Variants in ITIH6 observed in about 807,000 individuals in gnomAD.
ITIH6 encodes the protein inter-alpha-trypsin inhibitor heavy chain H6.
A neutral mutation model predicts 58.2 loss-of-function variants in ITIH6; 60 were observed. The observed-to-expected ratio is 1.03, with a 90% CI of 0.84 to 1.28. The LOEUF is 1.28. Ranked by LOEUF, ITIH6 falls within the 50% of genes most tolerant of loss-of-function variation. The pLI, the probability that ITIH6 is intolerant of heterozygous loss-of-function variation, is 0.00. For synonymous variants in ITIH6, 493 were observed against 417.4 expected, an observed-to-expected ratio of 1.18 and a Z score of -2.21; for missense variants, 1,290 against 1,021.1, an observed-to-expected ratio of 1.26 and a Z score of -3.59.
At chrX:54,787,593 G>A (rs1929265190) in intron 5 of ITIH6, 1 of 111,548 alleles carries the variant, frequency 9.0e-6, no homozygotes, top group South Asian at 3.8e-4. Flanking sequence ...TTCAACATAT[G>A]AATGAATGAA....
chrX:54,759,027 C>T, intron 7 of ITIH6, 29 bp from the exon 8 acceptor site: 1 of 1,046,994 alleles, frequency 9.6e-7, no homozygotes, highest in Non-Finnish European at 1.3e-6. Flanking sequence ...GTGAGACCAT[C>T]TTCTCTGGTC....
rs1928313863 is a variant in ITIH6, at chrX:54,749,804, A to G, written c.*91T>C. On this transcript the variant is annotated 3_prime_UTR_variant, in exon 13 of 13. Coordinates refer to ENST00000218436, the MANE Select transcript of ITIH6 (RefSeq NM_198510.3). ...TCTGTGTGTCCCTGTGTGTGCTTCC[A>G]TGTCCTTGGGTCTCTGTCCCTGGCT... 1.4e-6 allele frequency: 1 copy of G among 703,469 alleles called. No homozygotes were observed. The highest frequency in any genetic ancestry group is 3.4e-5 in the Admixed American group (1 of 29,167). The allele number at this position is 703,469 out of a possible 1,213,427, so 58.0% of individuals were successfully genotyped here. A position where few individuals can be genotyped will look rare whatever the true frequency, so the allele number is the denominator to read the frequency against.
At chrX:54,767,259 G>T (rs1160028692) in intron 6 of ITIH6, among the ~76,000 whole-genome samples, 1 of 105,013 alleles carries the variant, frequency 9.5e-6, no homozygotes, top group East Asian at 3.0e-4. Context: ...TTTTTATTGT[G>T]TCTATTTGAT....
intron 5 of ITIH6, among the ~76,000 whole-genome samples, chrX:54,785,219 G>A (rs1333829368): frequency 1.8e-5 from 2 of 108,617 alleles, no homozygotes; most frequent in Non-Finnish European, 3.8e-5. Context: ...TGGGGTAGCG[G>A]GGAGATGGGG....
At chrX:54,774,303 C>T (rs1323412379) in intron 5 of ITIH6, 106 bp from the exon 6 acceptor site, 2 of 373,320 alleles carry the variant, frequency 5.4e-6, no homozygotes, top group Non-Finnish European at 9.4e-6. Flanking sequence ...CTTTGTTCCC[C>T]AGGACTTCTC....
intron 5 of ITIH6, among the ~76,000 whole-genome samples, chrX:54,782,978 C>A (rs1435230065): frequency 2.7e-5 from 3 of 111,934 alleles, no homozygotes; most frequent in Non-Finnish European, 5.6e-5. Flanking sequence ...ATAACACACT[C>A]AAAAGATCAT....
chrX:54,766,316 C>A (rs1413737953), intron 6 of ITIH6, among the ~76,000 whole-genome samples: 5 of 91,588 alleles, frequency 5.5e-5, no homozygotes, highest in Admixed American at 3.8e-4. Context: ...TCTAGATAAA[C>A]AATCATGTCG....
intron 6 of ITIH6, among the ~76,000 whole-genome samples, chrX:54,768,922 T>G (rs1281195292): frequency 1.8e-5 from 2 of 109,583 alleles, no homozygotes; most frequent in East Asian, 5.7e-4. Context: ...CTGAACGTTG[T>G]CCTGCCTTGC....
intron 5 of ITIH6, among the ~76,000 whole-genome samples, chrX:54,783,712 C>T (rs1248435764): frequency 1.8e-5 from 2 of 111,905 alleles, no homozygotes; most frequent in African/African-American, 6.5e-5. Flanking sequence ...GAAAGATATT[C>T]CATGTTCATG....
At chrX:54,764,433 C>T (rs1928723072) in intron 6 of ITIH6, among the ~76,000 whole-genome samples, 1 of 105,656 alleles carries the variant, frequency 9.5e-6, no homozygotes, top group Admixed American at 1.0e-4. Context: ...CCACAGTCCC[C>T]AGAGTGTGAT....
At chrX:54,769,688 C>T (rs1928899169) in intron 6 of ITIH6, among the ~76,000 whole-genome samples, 2 of 96,621 alleles carry the variant, frequency 2.1e-5, no homozygotes, top group Admixed American at 1.1e-4. Flanking sequence ...AGTTAGGCTG[C>T]TCGGGGGTCA....
intron 5 of ITIH6, among the ~76,000 whole-genome samples, chrX:54,782,970 AAC>A (rs1929175649): frequency 8.9e-6 from 1 of 112,064 alleles, no homozygotes; most frequent in African/African-American, 3.3e-5. Flanking sequence ...TTAACTCAAT[AAC>A]ACACTCAAAA....
intron 11 of ITIH6, 118 bp downstream of exon 11, chrX:54,753,533 C>T (rs764321198): frequency 2.5e-5 from 12 of 483,216 alleles, no homozygotes; most frequent in East Asian, 1.1e-4. Flanking sequence ...TGTGTGTTAC[C>T]GTGTGTTAGT....
At chrX:54,763,459 T>G (rs761519981) in intron 6 of ITIH6, among the ~76,000 whole-genome samples, 4 of 112,237 alleles carry the variant, frequency 3.6e-5, no homozygotes, top group Non-Finnish European at 7.5e-5. Flanking sequence ...CTTTGAGATT[T>G]CCCAGCTATC....
At chrX:54,797,784 G>A (rs1929470223) in intron 1 of ITIH6, among the ~76,000 whole-genome samples, 1 of 111,198 alleles carries the variant, frequency 9.0e-6, no homozygotes, top group African/African-American at 3.3e-5. Context: ...GTGGGGCAGT[G>A]GGAAATGAGG....
chrX:54,795,134 C>G (rs190889866), intron 2 of ITIH6, among the ~76,000 whole-genome samples: 402 of 111,721 alleles, frequency 3.6e-3, no homozygotes, highest in South Asian at 9.5e-3. Flanking sequence ...GCCGGCCCCT[C>G]CAGTCTGCTA....
At chrX:54,796,677 C>G (rs1374790638) in intron 2 of ITIH6, among the ~76,000 whole-genome samples, 5 of 82,049 alleles carry the variant, frequency 6.1e-5, no homozygotes, top group African/African-American at 2.8e-4. Context: ...GAGCGAGACT[C>G]CATGTCAAAA....
chrX:54,776,871 C>A (rs1464374216), intron 5 of ITIH6, among the ~76,000 whole-genome samples: 1 of 111,848 alleles, frequency 8.9e-6, no homozygotes, highest in Non-Finnish European at 1.9e-5. Context: ...TTCCAAGCTG[C>A]GGTGGCTATT....
chrX:54,757,118 T>C lies in ITIH6; in HGVS notation c.2956A>G (p.Ile986Val). 8.3e-7 allele frequency: 1 copy of C among 1,211,544 alleles called. No homozygotes were observed. Among genetic ancestry groups the C allele is most frequent in the South Asian group, 1.8e-5 (1 of 56,947 alleles). ...TPEGSPPNLP[I>V]LLPSSILPEA... ...GGGAGGATGCTAGAAGGCAGCAAGA[T>C]TGGCAGGTTTGGAGGGCTGCCTTCT... Residue 986 changes from isoleucine to valine, a missense_variant, in exon 8 of 13, where the codon ATC becomes GTC. Coordinates refer to ENST00000218436, the MANE Select transcript of ITIH6 (RefSeq NM_198510.3).
Sources: allele counts gnomAD v4.1 joint callset (sites outside exome capture counted in the v4.1 genomes callset), GRCh38; gene constraint gnomAD v4.1.1; transcripts MANE v1.5; gene names NCBI Gene and HGNC (gene_info 2026-07-23, HGNC 2026-07-21).